LRRC37A: variants seen among roughly 807,000 people sequenced by gnomAD.
The protein encoded by LRRC37A is leucine rich repeat containing 37A.
Under a neutral mutation model 35.4 loss-of-function variants are expected in LRRC37A, and 3 were observed. The observed-to-expected ratio is 0.08, with a 90% CI of 0.04 to 0.22. The LOEUF is 0.22. LRRC37A is among the 10% of genes least tolerant of loss of function. The pLI, the probability that LRRC37A is intolerant of heterozygous loss-of-function variation, is 1.00. For synonymous variants in LRRC37A, 23 were observed against 215.0 expected, an observed-to-expected ratio of 0.11 and a Z score of 7.81; for missense variants, 67 against 565.3, an observed-to-expected ratio of 0.12 and a Z score of 8.94.
At chr17:46,252,830 C>A in the LRRC37A span, among the ~76,000 whole-genome samples, 2 of 151,730 alleles carry the variant, frequency 1.3e-5, no homozygotes, top group East Asian at 1.9e-4. Flanking sequence ...ACCTTTCCCC[C>A]CTTTCTACTC....
chr17:46,281,278 C>T, the LRRC37A span, among the ~76,000 whole-genome samples: 1 of 151,716 alleles, frequency 6.6e-6, no homozygotes, highest in Non-Finnish European at 1.5e-5. Context: ...TGCTAAATTC[C>T]CTGTATCTGG....
the LRRC37A span, among the ~76,000 whole-genome samples, chr17:46,253,148 TG>T: frequency 7.4e-6 from 1 of 135,596 alleles, no homozygotes; most frequent in African/African-American, 2.8e-5. Flanking sequence ...ACCTCCCAGA[TG>T]GGGTCACGGC....
the LRRC37A span, among the ~76,000 whole-genome samples, chr17:46,279,184 C>CTTT: frequency 4.4e-5 from 6 of 136,990 alleles, no homozygotes; most frequent in African/African-American, 5.5e-5. Flanking sequence ...TCTTTTTTTT[C>CTTT]TTTTTTTTTT....
At chr17:46,293,777 G>A (rs1454312629), upstream of LRRC37A, 3 of 237,580 alleles carry the variant, frequency 1.3e-5, 1 homozygote, top group East Asian at 5.2e-4. Context: ...GCTTTAAGAA[G>A]TCTAGCTTCC....
the LRRC37A span, among the ~76,000 whole-genome samples, chr17:46,270,997 G>A: frequency 6.6e-6 from 1 of 152,100 alleles, no homozygotes; most frequent in Non-Finnish European, 1.5e-5. Context: ...AAGTCTTTTA[G>A]TATCTCACTC....
At chr17:46,258,707 CTTTTT>C in the LRRC37A span, among the ~76,000 whole-genome samples, 123 of 80,592 alleles carry the variant, frequency 1.5e-3, no homozygotes, top group Middle Eastern at 0.011. Flanking sequence ...GACTATTATT[CTTTTT>C]TTTTTTTTTT....
At chr17:46,270,220 C>T in the LRRC37A span, among the ~76,000 whole-genome samples, 7 of 152,190 alleles carry the variant, frequency 4.6e-5, no homozygotes, top group African/African-American at 9.7e-5. Context: ...TGTGTCCTGA[C>T]GCTGTCCATG....
At chr17:46,267,270 C>A in the LRRC37A span, 1 of 1,060,504 alleles carries the variant, frequency 9.4e-7, no homozygotes, top group Non-Finnish European at 1.3e-6. Context: ...TAAAAACCAA[C>A]GCCCAGGGAC....
the LRRC37A span, among the ~76,000 whole-genome samples, chr17:46,249,147 A>G: frequency 6.6e-6 from 1 of 152,030 alleles, no homozygotes; most frequent in East Asian, 1.9e-4. Flanking sequence ...CCTGGAGCCA[A>G]TCCCCTGCAG....
At chr17:46,324,675 TAG>T (rs367586336) in intron 7 of LRRC37A, among the ~76,000 whole-genome samples, 36,864 of 47,928 alleles carry the variant, frequency 0.77, 16,088 homozygotes, top group Non-Finnish European at 0.94. Context: ...TATATAGATA[TAG>T]ATATATATAT....
At chr17:46,265,634 T>C in the LRRC37A span, among the ~76,000 whole-genome samples, 2 of 151,898 alleles carry the variant, frequency 1.3e-5, no homozygotes, top group Non-Finnish European at 2.9e-5. Context: ...TGAGCTACCA[T>C]GCCCGGCTAA....
the LRRC37A span, among the ~76,000 whole-genome samples, chr17:46,253,919 T>A: frequency 2.0e-5 from 3 of 152,228 alleles, no homozygotes; most frequent in Admixed American, 6.5e-5. Flanking sequence ...CAAGGATTAA[T>A]AAACTGAGAG....
chr17:46,277,217 G>A, the LRRC37A span, among the ~76,000 whole-genome samples: 2 of 152,232 alleles, frequency 1.3e-5, no homozygotes, highest in African/African-American at 2.4e-5. Context: ...ATAACCAGGT[G>A]GCAAGAAGAC....
the LRRC37A span, among the ~76,000 whole-genome samples, chr17:46,279,117 A>C: frequency 6.6e-6 from 1 of 151,750 alleles, no homozygotes; most frequent in Non-Finnish European, 1.5e-5. Flanking sequence ...TATTTACATT[A>C]TTACGACAAT....
the LRRC37A span, among the ~76,000 whole-genome samples, chr17:46,256,534 C>G: frequency 9.2e-5 from 14 of 152,194 alleles, no homozygotes; most frequent in African/African-American, 3.4e-4. Flanking sequence ...GTGCTATCAC[C>G]CTGATATGGG....
upstream of LRRC37A, among the ~76,000 whole-genome samples, chr17:46,291,969 C>CAAA (rs59554870): frequency 8.6e-5 from 5 of 58,086 alleles, no homozygotes; most frequent in Non-Finnish European, 1.6e-4. Context: ...TCTCAAAAAG[C>CAAA]AAAAAAAAAA....
the LRRC37A span, among the ~76,000 whole-genome samples, chr17:46,252,800 G>C: frequency 6.6e-6 from 1 of 152,154 alleles, no homozygotes; most frequent in Non-Finnish European, 1.5e-5. Context: ...GCAACCATCC[G>C]ACTTCTCAGT....
the LRRC37A span, among the ~76,000 whole-genome samples, chr17:46,265,580 G>A: frequency 6.6e-6 from 1 of 150,438 alleles, no homozygotes; most frequent in African/African-American, 2.5e-5. Flanking sequence ...CTAGGCTCAA[G>A]CGATCCTCCC....
chr17:46,286,913 C>T, the LRRC37A span, among the ~76,000 whole-genome samples: 1 of 152,176 alleles, frequency 6.6e-6, no homozygotes, highest in African/African-American at 2.4e-5. Context: ...TCTGCGATGC[C>T]AACACATTCT....
Sources: allele counts gnomAD v4.1 joint callset (sites outside exome capture counted in the v4.1 genomes callset), GRCh38; gene constraint gnomAD v4.1.1; transcripts MANE v1.5; gene names NCBI Gene and HGNC (gene_info 2026-07-23, HGNC 2026-07-21).